Variants in ZNF804A observed in about 807,000 individuals in gnomAD.
ZNF804A encodes the protein zinc finger protein 804A.
In ZNF804A, 2 loss-of-function variants were observed where a neutral mutation model predicts 16.5. That is an observed-to-expected ratio of 0.12 (90% CI 0.05 to 0.38). The LOEUF (loss-of-function observed/expected upper bound fraction) is 0.38. Among genes scored for constraint, ZNF804A ranks in the 10% least tolerant of loss-of-function variants. The pLI is 0.99. For missense variants in ZNF804A, 1,473 were observed against 1,390.7 expected (o/e 1.06, Z -0.94); for synonymous variants, 534 against 489.6 (o/e 1.09, Z -1.20).
intron 1 of ZNF804A, among the ~76,000 whole-genome samples, chr2:184,813,039 G>A (rs1346750554): frequency 3.3e-5 from 5 of 152,166 alleles, no homozygotes. Context: ...TTGTGTTATA[G>A]TGAGGTGAAT....
At chr2:184,608,263 A>T (rs557636634) in intron 1 of ZNF804A, among the ~76,000 whole-genome samples, 5 of 152,122 alleles carry the variant, frequency 3.3e-5, no homozygotes, top group African/African-American at 1.2e-4. Flanking sequence ...TCTTGAAGAG[A>T]GTATAAGGGG....
chr2:184,791,015 A>G (rs746180772), intron 1 of ZNF804A, among the ~76,000 whole-genome samples: 25 of 151,924 alleles, frequency 1.6e-4, no homozygotes, highest in Admixed American at 3.9e-4. Flanking sequence ...TTTGTTTTCT[A>G]TTTGCATGAT....
intron 1 of ZNF804A, among the ~76,000 whole-genome samples, chr2:184,682,678 A>G (rs1692562036): frequency 6.6e-6 from 1 of 152,218 alleles, no homozygotes; most frequent in Non-Finnish European, 1.5e-5. Flanking sequence ...ATGCAAATCA[A>G]TCTGAATTTT....
intron 1 of ZNF804A, among the ~76,000 whole-genome samples, chr2:184,851,010 C>G (rs1299979805): frequency 1.3e-5 from 2 of 151,682 alleles, no homozygotes; most frequent in Admixed American, 6.6e-5. Flanking sequence ...TCTAGTACTT[C>G]TAATTTCTGT....
chr2:184,797,237 C>T (rs1238751433), intron 1 of ZNF804A, among the ~76,000 whole-genome samples: 1 of 152,112 alleles, frequency 6.6e-6, no homozygotes, highest in African/African-American at 2.4e-5. Flanking sequence ...TGAAGTCCCT[C>T]ACTATTATTG....
intron 1 of ZNF804A, among the ~76,000 whole-genome samples, chr2:184,765,981 T>C (rs1232690630): frequency 6.6e-6 from 1 of 152,182 alleles, no homozygotes; most frequent in Non-Finnish European, 1.5e-5. Flanking sequence ...CGTCATGTTA[T>C]TTGGTTAGAG....
At chr2:184,685,358 C>T (rs976008687) in intron 1 of ZNF804A, among the ~76,000 whole-genome samples, 3 of 152,004 alleles carry the variant, frequency 2.0e-5, no homozygotes, top group Non-Finnish European at 4.4e-5. Flanking sequence ...GTTTAGGCTC[C>T]CCAAAGGGCC....
chr2:184,668,514 A>G (rs1481738462), intron 1 of ZNF804A, among the ~76,000 whole-genome samples: 1 of 151,958 alleles, frequency 6.6e-6, no homozygotes, highest in African/African-American at 2.4e-5. Flanking sequence ...AAGAAAATGT[A>G]TGATTTTCTT....
chr2:184,721,101 G>A (rs1446272979), intron 1 of ZNF804A, among the ~76,000 whole-genome samples: 2 of 152,106 alleles, frequency 1.3e-5, no homozygotes, highest in Non-Finnish European at 2.9e-5. Flanking sequence ...AACTCAAGAT[G>A]AATGAAAGAC....
intron 2 of ZNF804A, among the ~76,000 whole-genome samples, chr2:184,895,188 T>C (rs905626510): frequency 1.3e-5 from 2 of 151,780 alleles, no homozygotes; most frequent in Non-Finnish European, 2.9e-5. Flanking sequence ...ATCGGTCTTT[T>C]TATGCTCGTG....
At chr2:184,819,407 C>T (rs1695035944) in intron 1 of ZNF804A, among the ~76,000 whole-genome samples, 1 of 151,878 alleles carries the variant, frequency 6.6e-6, no homozygotes, top group African/African-American at 2.4e-5. Context: ...ATCTCTGGGA[C>T]ACAGCTAAAG....
rs541298229 is a variant in ZNF804A at position 184,900,463 on chromosome 2, A to G, written c.256-33140A>G. Among the ~76,000 whole-genome samples, 4 of 152,230 alleles carry G rather than the reference A, an allele frequency of 2.6e-5. No homozygotes were observed. In the South Asian group the frequency reaches 6.2e-4, roughly 24 times the overall value. On this transcript the variant is annotated intron_variant, in intron 2 of 3. Transcript: ENST00000302277. Reference sequence around the variant, plus strand: ...GACAGGGGTAGATCACCACAACACTACATACCTGTTATACAATTTGGCAGG... The same window carrying G: ...GACAGGGGTAGATCACCACAACACTGCATACCTGTTATACAATTTGGCAGG...
Position 184,888,984 on chromosome 2 carries a change from C to G in ZNF804A, c.255+22472C>G, listed in dbSNP as rs184941680. 1.7e-3 allele frequency among the ~76,000 whole-genome samples: 252 copies of G among 151,728 alleles called. 1 individual carries two copies. The highest frequency in any genetic ancestry group is 2.1e-3 in the Non-Finnish European group (141 of 67,880). On this transcript the variant is annotated intron_variant, in intron 2 of 3. Transcript: ENST00000302277. ...TCTGAAAAAAAAACGTTTATTTTAC[C>G]CTAAAAACAAAACTTTTTTCTGTTC...
intron 1 of ZNF804A, among the ~76,000 whole-genome samples, chr2:184,606,928 T>C (rs1010153536): frequency 6.6e-6 from 1 of 152,192 alleles, no homozygotes; most frequent in East Asian, 1.9e-4. Flanking sequence ...AAAATCAGTT[T>C]ATAATATTTC....
At chr2:184,793,671 C>G (rs747669989) in intron 1 of ZNF804A, among the ~76,000 whole-genome samples, 1 of 151,960 alleles carries the variant, frequency 6.6e-6, no homozygotes, top group Non-Finnish European at 1.5e-5. Context: ...CACTCATAAC[C>G]GGAGCATTAT....
intron 1 of ZNF804A, among the ~76,000 whole-genome samples, chr2:184,670,089 G>C (rs1692319445): frequency 6.6e-6 from 1 of 152,062 alleles, no homozygotes; most frequent in Non-Finnish European, 1.5e-5. Flanking sequence ...GCATTTTGAA[G>C]ATTTTTCTGC....
intron 2 of ZNF804A, among the ~76,000 whole-genome samples, chr2:184,873,424 G>A (rs1224096399): frequency 1.3e-5 from 2 of 152,168 alleles, no homozygotes; most frequent in Non-Finnish European, 2.9e-5. Context: ...GGAGATCGAG[G>A]CAGCAGTGAG....
chr2:184,866,290 A>G, intron 1 of ZNF804A, 79 bp from the exon 2 acceptor site: 2 of 1,342,400 alleles, frequency 1.5e-6, no homozygotes, highest in Non-Finnish European at 2.1e-6. Context: ...TAATTATTGT[A>G]CTATAGTTGA....
chr2:184,811,060 A>C (rs1389601793), intron 1 of ZNF804A, among the ~76,000 whole-genome samples: 1 of 152,220 alleles, frequency 6.6e-6, no homozygotes, highest in Non-Finnish European at 1.5e-5. Flanking sequence ...ATGCATTTCT[A>C]AATGACAGGC....
Sources: allele counts gnomAD v4.1 joint callset (sites outside exome capture counted in the v4.1 genomes callset), GRCh38; gene constraint gnomAD v4.1.1; transcripts MANE v1.5; gene names NCBI Gene and HGNC (gene_info 2026-07-23, HGNC 2026-07-21).